SORCS3: variants seen among roughly 807,000 people sequenced by gnomAD.
SORCS3 encodes VPS10 domain-containing receptor SorCS3.
In SORCS3, 57 loss-of-function variants were observed where a neutral mutation model predicts 146.3. The observed-to-expected ratio is 0.39, with a 90% CI of 0.31 to 0.49. The LOEUF (loss-of-function observed/expected upper bound fraction) is 0.49, where lower values mean the gene tolerates loss of function less well. Ranked by LOEUF, SORCS3 falls within the 20% of genes least tolerant of loss-of-function variation. SORCS3 has a pLI of 0.92. For missense variants in SORCS3, 1,341 were observed against 1,575.5 expected, an observed-to-expected ratio of 0.85 and a Z score of 2.52; for synonymous variants, 653 against 618.5, an observed-to-expected ratio of 1.06 and a Z score of -0.83.
At chr10:105,043,233 TC>T in intron 5 of SORCS3, 105 bp downstream of exon 5, 1 of 978,108 alleles carries the variant, frequency 1.0e-6, no homozygotes, top group Non-Finnish European at 1.6e-6. Context: ...ACAAATGTGT[TC>T]CAGTCCTTTG....
chr10:104,841,698 G>A (rs1273930747), intron 1 of SORCS3, among the ~76,000 whole-genome samples: 1 of 151,966 alleles, frequency 6.6e-6, no homozygotes, highest in African/African-American at 2.4e-5. Flanking sequence ...TACCTAGAAT[G>A]GGAAAGTCCC....
intron 3 of SORCS3, among the ~76,000 whole-genome samples, chr10:104,974,492 G>C (rs999682479): frequency 2.0e-5 from 3 of 152,244 alleles, no homozygotes; most frequent in South Asian, 4.2e-4. Context: ...TTTGAAGTCT[G>C]TTTTATCAGA....
intron 5 of SORCS3, among the ~76,000 whole-genome samples, chr10:105,088,164 A>G (rs530349431): frequency 1.3e-5 from 2 of 152,320 alleles, no homozygotes; most frequent in South Asian, 4.1e-4. Context: ...GAAGTCAGGA[A>G]GTCTTTCTAA....
At chr10:104,829,241 G>C (rs1396949789) in intron 1 of SORCS3, among the ~76,000 whole-genome samples, 1 of 152,232 alleles carries the variant, frequency 6.6e-6, no homozygotes, top group Non-Finnish European at 1.5e-5. Flanking sequence ...AGAGATGCAT[G>C]TGCAGATAGA....
At chr10:104,691,394 G>A in intron 1 of SORCS3, among the ~76,000 whole-genome samples, 1 of 152,172 alleles carries the variant, frequency 6.6e-6, no homozygotes, top group East Asian at 1.9e-4. Flanking sequence ...ACATAGAGAA[G>A]TCTTTGCTGG....
At chr10:104,819,908 A>G (rs1407430632) in intron 1 of SORCS3, among the ~76,000 whole-genome samples, 2 of 152,212 alleles carry the variant, frequency 1.3e-5, no homozygotes, top group South Asian at 4.1e-4. Flanking sequence ...AAGATTGCTC[A>G]TGCAGCTATG....
chr10:104,783,346 G>A lies in SORCS3; in HGVS notation c.628-59446G>A, dbSNP rs2017396360. Among the ~76,000 whole-genome samples the A allele has an allele frequency of 2.0e-5, 3 of 152,148 alleles. No homozygotes were observed. The South Asian group carries it at 6.2e-4, about 32-fold the overall frequency. On this transcript the variant is annotated intron_variant, in intron 1 of 26. Transcript: ENST00000369701. ...AGAAATTGTCTGATCACGTTACCCT[G>A]GAAGAAGTGTTTGCTGATGGTGATT...
At chr10:104,750,295 GA>G (rs201720074) in intron 1 of SORCS3, among the ~76,000 whole-genome samples, 2 of 151,106 alleles carry the variant, frequency 1.3e-5, no homozygotes, top group South Asian at 2.1e-4. Context: ...TTATTAGGTA[GA>G]AAAAAAAATA....
intron 2 of SORCS3, among the ~76,000 whole-genome samples, chr10:104,856,673 C>T (rs1438326286): frequency 6.9e-6 from 1 of 145,830 alleles, no homozygotes; most frequent in East Asian, 2.0e-4. Flanking sequence ...TGCAGAATGT[C>T]ATATAACAGT....
intron 7 of SORCS3, among the ~76,000 whole-genome samples, chr10:105,113,528 C>G (rs563757672): frequency 1.3e-5 from 2 of 152,236 alleles, no homozygotes; most frequent in East Asian, 3.9e-4. Context: ...TTTTATTTCT[C>G]TTGACATATT....
At chr10:104,839,611 A>C (rs567752182) in intron 1 of SORCS3, among the ~76,000 whole-genome samples, 4 of 152,182 alleles carry the variant, frequency 2.6e-5, no homozygotes, top group Non-Finnish European at 5.9e-5. Flanking sequence ...TATGAATTTC[A>C]TCCATTGGCG....
intron 1 of SORCS3, among the ~76,000 whole-genome samples, chr10:104,681,051 C>G (rs1047610542): frequency 2.0e-5 from 3 of 152,340 alleles, no homozygotes; most frequent in Admixed American, 6.5e-5. Flanking sequence ...CCCTCTCTCC[C>G]GGGAAGAGGA....
intron 1 of SORCS3, among the ~76,000 whole-genome samples, chr10:104,831,451 G>T (rs2017999856): frequency 6.6e-6 from 1 of 152,168 alleles, no homozygotes; most frequent in African/African-American, 2.4e-5. Flanking sequence ...ACAAGGGAGT[G>T]CCCCAAACGG....
At chr10:105,163,124 G>A (rs566790942) in intron 11 of SORCS3, among the ~76,000 whole-genome samples, 1 of 152,222 alleles carries the variant, frequency 6.6e-6, no homozygotes, top group Admixed American at 6.5e-5. Flanking sequence ...TGAGCCCTGA[G>A]CCCAGGGGTT....
chr10:104,931,679 G>A (rs2019210059), intron 3 of SORCS3, among the ~76,000 whole-genome samples: 1 of 152,228 alleles, frequency 6.6e-6, no homozygotes, highest in South Asian at 2.1e-4. Context: ...CAACTTAGGT[G>A]ATAGACTGTA....
intron 1 of SORCS3, among the ~76,000 whole-genome samples, chr10:104,657,249 C>T (rs140623600): frequency 3.3e-5 from 5 of 152,266 alleles, no homozygotes; most frequent in Admixed American, 2.0e-4. Flanking sequence ...GCTAGAACCA[C>T]GTAGCTGAGC....
intron 1 of SORCS3, among the ~76,000 whole-genome samples, chr10:104,722,473 C>T (rs148133998): frequency 0.011 from 1,727 of 152,232 alleles, 37 homozygotes; most frequent in African/African-American, 0.04. Context: ...GCTTTGGTAT[C>T]GGGATGATGC....
intron 18 of SORCS3, 136 bp downstream of exon 18, chr10:105,214,749 C>T (rs985399877): frequency 1.2e-6 from 1 of 828,578 alleles, no homozygotes; most frequent in African/African-American, 1.7e-5. Flanking sequence ...GGAAAGAAGA[C>T]AGACAAGGGT....
chr10:104,815,398 G>A (rs548377525), intron 1 of SORCS3, among the ~76,000 whole-genome samples: 22 of 131,866 alleles, frequency 1.7e-4, no homozygotes, highest in African/African-American at 6.4e-4. Flanking sequence ...GCAGTGAGCC[G>A]AGATCACACC....
Sources: gnomAD v4.1 joint callset for allele counts (sites outside exome capture counted in the v4.1 genomes callset) on GRCh38, gnomAD v4.1.1 for gene constraint, MANE v1.5 for transcripts, NCBI Gene and HGNC (gene_info 2026-07-23, HGNC 2026-07-21) for gene names.